NOD2: variants seen among roughly 807,000 people sequenced by gnomAD.
NOD2 encodes nucleotide-binding oligomerization domain-containing protein 2.
In NOD2, 86 loss-of-function variants were observed where a neutral mutation model predicts 90.9. That is an observed-to-expected ratio of 0.95 (90% CI 0.79 to 1.13). NOD2 has a LOEUF of 1.13. Ranked by LOEUF, NOD2 falls within the 50% of genes most tolerant of loss-of-function variation. The pLI, the probability that NOD2 is intolerant of heterozygous loss-of-function variation, is 0.00. For missense variants in NOD2, 1,238 were observed against 1,283.8 expected, an observed-to-expected ratio of 0.96 and a Z score of 0.55; for synonymous variants, 581 against 554.6, an observed-to-expected ratio of 1.05 and a Z score of -0.67.
chr16:50,728,377 G>A, intron 10 of NOD2: 2 of 336,230 alleles, frequency 5.9e-6, no homozygotes, highest in Admixed American at 3.5e-5. Flanking sequence ...TGTCTCCGCT[G>A]CTTTACAACC....
In NOD2 at chr16:50,732,313, G is replaced by T; in HGVS notation, c.*494G>T. On this transcript the variant is annotated 3_prime_UTR_variant, in exon 12 of 12. Coordinates refer to ENST00000647318, the MANE Select transcript of NOD2 (RefSeq NM_001370466.1). ...TCCATCCAGGCCATTCCCCGTCTCT[G>T]GTTCCTCCCCTCCTCCTGGACTCCT... 1 of 187,584 alleles carries T rather than the reference G, an allele frequency of 5.3e-6. No homozygotes were observed. Among genetic ancestry groups the T allele is most frequent in the Non-Finnish European group, 1.1e-5 (1 of 87,246 alleles). The allele number at this position is 187,584 out of a possible 1,614,324, so 11.6% of individuals were successfully genotyped here.
chr16:50,728,873 AC>A (rs1965356917), intron 10 of NOD2: 1 of 152,232 alleles, frequency 6.6e-6, no homozygotes, highest in Non-Finnish European at 1.5e-5. Context: ...GCCCTCAAAG[AC>A]CCCCCTGAAA....
chr16:50,711,781 G>A lies in NOD2; in HGVS notation c.1789G>A (p.Ala597Thr), dbSNP rs1567393465. 1 of 1,614,208 alleles carries A rather than the reference G, an allele frequency of 6.2e-7. No individual in the cohort carries two copies. The highest frequency in any genetic ancestry group is 8.5e-7 in the Non-Finnish European group (1 of 1,180,040). The stretch of plus-strand genomic sequence containing the variant: ...GGCACTCAGTGCTGATGTGCCACCA[G>A]CTTTGCTCAGACACCTCTTCAATTG... ...YLALSADVPPALLRHLFNCGR... is the reference protein window; with the variant it reads ...YLALSADVPPTLLRHLFNCGR... The change falls in exon 4 of 12, where the codon GCT (alanine) becomes ACT (threonine). Residue 597 changes from alanine to threonine, a missense_variant. Ala to Thr is a moderately conservative substitution (Grantham distance 58). This residue lies in a region of NOD2 where 667 missense variants were observed against 688.7 expected (regional missense o/e 0.97). Transcript: ENST00000647318.
In NOD2 at chr16:50,712,266, G is replaced by A. The variant is rs1396118467; in HGVS notation, c.2274G>A (p.Val758=). The A allele has an allele frequency of 5.0e-6, 8 of 1,613,808 alleles. No individual in the cohort carries two copies. The highest frequency in any genetic ancestry group is 5.9e-6 in the Non-Finnish European group (7 of 1,180,058). The change falls in exon 4 of 12, where the codon GTG becomes GTA. Residue 758 remains valine (V), a synonymous_variant. Coordinates refer to ENST00000647318, the MANE Select transcript of NOD2 (RefSeq NM_001370466.1). ...CTGAGTGTGCTGCCCTGGCCTTTGT[G>A]CTGCAGCACCTCCGGCGGCCCGTGG... ...GPTECAALAF[V]LQHLRRPVAL... is the part of the protein sequence containing the mutation.
intron 1 of NOD2, among the ~76,000 whole-genome samples, chr16:50,698,404 T>C (rs1234285550): frequency 1.3e-5 from 2 of 152,052 alleles, no homozygotes; most frequent in South Asian, 2.1e-4. Context: ...GTGTGGGAAG[T>C]GTTGATGGGG....
At chr16:50,703,255 T>C (rs1161446588) in intron 2 of NOD2, among the ~76,000 whole-genome samples, 1 of 152,212 alleles carries the variant, frequency 6.6e-6, no homozygotes, top group Non-Finnish European at 1.5e-5. Flanking sequence ...TCTTTAATGT[T>C]TTAGCATCTT....
chr16:50,725,520 G>A lies in NOD2; in HGVS notation c.2833G>A (p.Val945Ile), dbSNP rs104895455. Residue 945 changes from valine to isoleucine, a missense_variant, in exon 10 of 12, where the codon GTA becomes ATA. Val to Ile is a conservative substitution (Grantham distance 29). Coordinates refer to ENST00000647318, the MANE Select transcript of NOD2 (RefSeq NM_001370466.1). Reference protein sequence around the residue: ...LEENHLQDEGVCSLAEGLKKN... With the variant: ...LEENHLQDEGICSLAEGLKKN... Reference sequence around the variant, plus strand: ...GGAGAACCATCTCCAGGATGAAGGTGTATGTTCTCTCGCAGAAGGACTGAA... The same window carrying A: ...GGAGAACCATCTCCAGGATGAAGGTATATGTTCTCTCGCAGAAGGACTGAA... 6.8e-6 allele frequency: 11 copies of A among 1,614,128 alleles called. No individual in the cohort carries two copies. Among genetic ancestry groups the A allele is most frequent in the Non-Finnish European group, 8.5e-6 (10 of 1,179,956 alleles).
intron 11 of NOD2, among the ~76,000 whole-genome samples, chr16:50,731,215 A>G (rs1299977682): frequency 6.6e-6 from 1 of 152,160 alleles, no homozygotes; most frequent in Non-Finnish European, 1.5e-5. Flanking sequence ...TGTGATGGAG[A>G]GATTTTTCCT....
intron 3 of NOD2, 33 bp from the exon 4 acceptor site, chr16:50,710,525 C>T (rs1964413695): frequency 6.2e-7 from 1 of 1,613,858 alleles, no homozygotes; most frequent in Non-Finnish European, 8.5e-7. Flanking sequence ...CACCATGGTG[C>T]CACCTTCATC....
intron 7 of NOD2, among the ~76,000 whole-genome samples, chr16:50,721,023 T>C (rs1195169574): frequency 6.6e-6 from 1 of 152,054 alleles, no homozygotes; most frequent in Non-Finnish European, 1.5e-5. Context: ...CCGGCTGGTC[T>C]TGAACTCCTG....
In NOD2 at chr16:50,731,893, A is replaced by T. The variant is rs1465843098; in HGVS notation, c.*74A>T. ...GTTTGGGCCCCAGAGGCTGGGTGAC[A>T]TGTGTTGGCAGCCTCTTCAAAATGA... On this transcript the variant is annotated 3_prime_UTR_variant, in exon 12 of 12. Coordinates refer to ENST00000647318, the MANE Select transcript of NOD2 (RefSeq NM_001370466.1). The T allele has an allele frequency of 1.5e-5, 17 of 1,111,214 alleles. No individual in the cohort carries two copies. In the East Asian group the frequency reaches 3.8e-4, roughly 25 times the overall value. 68.8% of individuals were successfully genotyped at this position (1,111,214 alleles called of 1,614,324 possible). A position where few individuals can be genotyped will look rare whatever the true frequency, so the allele number is the denominator to read the frequency against.
At chr16:50,721,639 C>T (rs1052301628) in intron 7 of NOD2, among the ~76,000 whole-genome samples, 2 of 152,028 alleles carry the variant, frequency 1.3e-5, no homozygotes, top group African/African-American at 4.8e-5. Context: ...ACTACAGGCA[C>T]AAGCCACCAT....
At chr16:50,708,305 G>T (rs1964296546) in intron 3 of NOD2, among the ~76,000 whole-genome samples, 1 of 152,154 alleles carries the variant, frequency 6.6e-6, no homozygotes, top group Non-Finnish European at 1.5e-5. Context: ...GTTAGGGCTG[G>T]TATCTCTTGA....
intron 11 of NOD2, 194 bp downstream of exon 11, chr16:50,730,095 G>A (rs971016061): frequency 7.5e-6 from 4 of 536,580 alleles, no homozygotes; most frequent in Admixed American, 2.9e-5. Context: ...TAAGTAGGGA[G>A]CAATGATTTC....
chr16:50,699,818 A>G lies in NOD2; in HGVS notation c.323A>G (p.Gln108Arg), dbSNP rs770240116. 9 of 1,613,558 alleles carry G rather than the reference A, an allele frequency of 5.6e-6. No homozygotes were observed. Among genetic ancestry groups the G allele is most frequent in the Non-Finnish European group, 7.6e-6 (9 of 1,179,994 alleles). The change falls in exon 2 of 12, where the codon CAG (glutamine) becomes CGG (arginine). Residue 108 changes from glutamine (Q) to arginine (R), a missense_variant. Around this residue, in one of 3 missense-constraint regions of NOD2, gnomAD observed 567 missense variants for 577.3 expected, o/e 0.98. Transcript: ENST00000647318. ...TCGCTCCACCCAGCCCGAGACCTGCAGAGTCACCGGCCAGCCATTGTCAGG... is the reference window on the plus strand; with the variant it reads ...TCGCTCCACCCAGCCCGAGACCTGCGGAGTCACCGGCCAGCCATTGTCAGG... Reference protein sequence around the residue: ...PHSLHPARDLQSHRPAIVRRL... With the variant: ...PHSLHPARDLRSHRPAIVRRL...
rs1394622344 is a variant in NOD2 at position 50,723,335 on chromosome 16, C to T, written c.2752C>T (p.Gln918Ter). ...GAACAACATTGGCAGTGTGGGTGCC[C>T]AAGCCTTGGCACTGATGCTGGCAAA... is the stretch of plus-strand genomic sequence containing the variant. ...VGNNIGSVGA[Q>*]ALALMLAKNV... Residue 918 changes from glutamine to a stop codon, truncating the protein, a stop_gained, in exon 9 of 12, where the codon CAA (glutamine) becomes TAA (stop). Transcript: ENST00000647318. LOFTEE classifies it high-confidence loss of function. The T allele has an allele frequency of 8.1e-6, 13 of 1,613,846 alleles. No homozygotes were observed. Among genetic ancestry groups the T allele is most frequent in the South Asian group, 1.1e-5 (1 of 91,062 alleles).
intron 6 of NOD2, 138 bp from the exon 7 acceptor site, chr16:50,719,787 G>A (rs776789987): frequency 3.8e-6 from 3 of 793,490 alleles, no homozygotes; most frequent in South Asian, 2.7e-5. Flanking sequence ...ACCTAGCAGC[G>A]AGGGCACCTG....
chr16:50,695,342 G>C (rs138401601), intron 1 of NOD2, among the ~76,000 whole-genome samples: 1 of 152,318 alleles, frequency 6.6e-6, no homozygotes, highest in African/African-American at 2.4e-5. Context: ...GAGAAAGGTA[G>C]AGTCAAAGAT....
intron 1 of NOD2, chr16:50,697,377 C>A: frequency 6.9e-7 from 1 of 1,441,970 alleles, no homozygotes; most frequent in Non-Finnish European, 9.6e-7. Context: ...CATCCTTGGC[C>A]GCGACATGCT....
Sources: gnomAD v4.1 joint callset for allele counts (sites outside exome capture counted in the v4.1 genomes callset) on GRCh38, gnomAD v4.1.1 for gene constraint, gnomAD v4.1.1 regional missense constraint, MANE v1.5 for transcripts, NCBI Gene and HGNC (gene_info 2026-07-23, HGNC 2026-07-21) for gene names.